SORCS1: variants seen among roughly 807,000 people sequenced by gnomAD.
SORCS1 encodes the protein sortilin related VPS10 domain containing receptor 1.
SORCS1 carries 60 observed loss-of-function variants against 146.1 expected under a neutral mutation model. That is an observed-to-expected ratio of 0.41 (90% CI 0.33 to 0.51). The LOEUF is 0.51. SORCS1 is among the 20% of genes least tolerant of loss of function. The pLI is 0.21. For missense variants in SORCS1, 1,352 were observed against 1,487.6 expected (o/e 0.91, Z 1.50); for synonymous variants, 637 against 584.0 (o/e 1.09, Z -1.31).
At position 107,036,291 on chromosome 10, in the gene SORCS1, T is replaced by C. The variant is rs139461580; in HGVS notation, c.559-79711A>G. Among the ~76,000 whole-genome samples the C allele has an allele frequency of 1.8e-3, 272 of 152,322 alleles. 1 individual carries two copies. The highest frequency in any genetic ancestry group is 6.4e-3 in the African/African-American group (268 of 41,568). ...GGTATTCTAAGTAATCTACAGATAA[T>C]TTAATGTAATGTGTATAGGTTTTAT... On this transcript the variant is annotated intron_variant, in intron 1 of 25. Transcript: ENST00000263054.
At chr10:107,136,576 C>A (rs956314986) in intron 1 of SORCS1, among the ~76,000 whole-genome samples, 1 of 152,100 alleles carries the variant, frequency 6.6e-6, no homozygotes, top group African/African-American at 2.4e-5. Flanking sequence ...AAGTGAGAGG[C>A]CGAATTAACA....
intron 24 of SORCS1, among the ~76,000 whole-genome samples, chr10:106,580,500 T>C (rs773788491): frequency 2.6e-5 from 4 of 152,210 alleles, no homozygotes; most frequent in Non-Finnish European, 4.4e-5. Context: ...ATTTTGCAAA[T>C]GTAGTGCAGC....
At chr10:107,172,747 C>T in the SORCS1 span, among the ~76,000 whole-genome samples, 1 of 152,128 alleles carries the variant, frequency 6.6e-6, no homozygotes, top group Non-Finnish European at 1.5e-5. Flanking sequence ...ATCATAAACA[C>T]CCACCACAAA....
chr10:106,958,241 G>A (rs892695081), intron 1 of SORCS1, among the ~76,000 whole-genome samples: 4 of 152,192 alleles, frequency 2.6e-5, no homozygotes, highest in Non-Finnish European at 4.4e-5. Context: ...GTCGAAGTTC[G>A]TATTTTCCTC....
chr10:106,727,632 C>T (rs1280863326), intron 6 of SORCS1, among the ~76,000 whole-genome samples: 2 of 152,018 alleles, frequency 1.3e-5, no homozygotes, highest in East Asian at 3.9e-4. Context: ...AGTATAATTT[C>T]AAACAGAGAA....
chr10:106,759,472 G>A (rs1438926266), intron 5 of SORCS1, among the ~76,000 whole-genome samples: 2 of 152,154 alleles, frequency 1.3e-5, no homozygotes, highest in East Asian at 3.8e-4. Flanking sequence ...GTAGAATCAC[G>A]TCTTTTGGCA....
intron 5 of SORCS1, among the ~76,000 whole-genome samples, chr10:106,744,356 C>T (rs1261604111): frequency 2.6e-5 from 4 of 152,154 alleles, no homozygotes; most frequent in East Asian, 1.9e-4. Context: ...CCGCCCACCT[C>T]GGCCTCTCAA....
intron 2 of SORCS1, among the ~76,000 whole-genome samples, chr10:106,944,513 C>T (rs1954209327): frequency 6.6e-6 from 1 of 152,166 alleles, no homozygotes. Flanking sequence ...TACTATGGCA[C>T]TTGACATACT....
chr10:107,006,670 A>G (rs1957455966), intron 1 of SORCS1, among the ~76,000 whole-genome samples: 1 of 152,174 alleles, frequency 6.6e-6, no homozygotes, highest in Non-Finnish European at 1.5e-5. Flanking sequence ...ACAAAAAATT[A>G]GCCGGATGTG....
At chr10:106,967,974 GCAGGCGGATCATGAGGT>G (rs1955580928) in intron 1 of SORCS1, among the ~76,000 whole-genome samples, 1 of 151,750 alleles carries the variant, frequency 6.6e-6, no homozygotes, top group South Asian at 2.1e-4. Context: ...GGAGGCCGAG[GCAGGCGGATCATGAGGT>G]CAGGAAATCG....
intron 1 of SORCS1, among the ~76,000 whole-genome samples, chr10:106,983,416 T>C (rs986510969): frequency 1.7e-4 from 26 of 152,158 alleles, no homozygotes; most frequent in African/African-American, 6.3e-4. Context: ...TTATATACTT[T>C]ACCTCATAGG....
At chr10:106,947,680 C>T (rs1954422664) in intron 2 of SORCS1, among the ~76,000 whole-genome samples, 1 of 152,112 alleles carries the variant, frequency 6.6e-6, no homozygotes, top group Admixed American at 6.5e-5. Context: ...CCTGTCTCTA[C>T]TAAAAATACA....
chr10:106,738,058 T>G (rs1293294126), intron 5 of SORCS1, among the ~76,000 whole-genome samples: 1 of 152,154 alleles, frequency 6.6e-6, no homozygotes, highest in Non-Finnish European at 1.5e-5. Context: ...AAATATCCGA[T>G]TTTTTCAGTC....
chr10:106,989,668 C>CTT (rs1564895028), intron 1 of SORCS1, among the ~76,000 whole-genome samples: 3 of 127,218 alleles, frequency 2.4e-5, no homozygotes, highest in African/African-American at 7.0e-5. Context: ...CATATTTTTT[C>CTT]TGTTTTTTTT....
At chr10:107,085,401 GT>G (rs1963682821) in intron 1 of SORCS1, among the ~76,000 whole-genome samples, 1 of 152,192 alleles carries the variant, frequency 6.6e-6, no homozygotes, top group Admixed American at 6.5e-5. Context: ...AAAATGGTTA[GT>G]TTTATGCAAA....
intron 24 of SORCS1, among the ~76,000 whole-genome samples, chr10:106,593,664 G>A (rs1171736291): frequency 6.6e-6 from 1 of 152,142 alleles, no homozygotes; most frequent in African/African-American, 2.4e-5. Context: ...TTATATAGCC[G>A]AAAGACCCTA....
chr10:106,603,319 A>T (rs1379203009), intron 23 of SORCS1, among the ~76,000 whole-genome samples: 2 of 152,146 alleles, frequency 1.3e-5, no homozygotes, highest in Non-Finnish European at 2.9e-5. Context: ...AGGGCACAAG[A>T]GCCTTTTCTC....
At chr10:106,813,440 C>A (rs759226072) in intron 3 of SORCS1, among the ~76,000 whole-genome samples, 5 of 152,182 alleles carry the variant, frequency 3.3e-5, no homozygotes, top group Admixed American at 1.3e-4. Flanking sequence ...GCCTGACAGG[C>A]GCATTTCTGA....
At chr10:106,611,398 C>A (rs550705655) in intron 22 of SORCS1, among the ~76,000 whole-genome samples, 1 of 151,956 alleles carries the variant, frequency 6.6e-6, no homozygotes, top group Non-Finnish European at 1.5e-5. Flanking sequence ...ACAGAAATTT[C>A]TTTAAAAAAA....
Sources: gnomAD v4.1 joint callset for allele counts (sites outside exome capture counted in the v4.1 genomes callset) on GRCh38, gnomAD v4.1.1 for gene constraint, MANE v1.5 for transcripts, NCBI Gene and HGNC (gene_info 2026-07-23, HGNC 2026-07-21) for gene names.